ZMIZ1: variants seen among roughly 807,000 people sequenced by gnomAD.
The protein encoded by ZMIZ1 is zinc finger MIZ-type containing 1.
In ZMIZ1, 17 loss-of-function variants were observed where a neutral mutation model predicts 113.9. The observed-to-expected ratio is 0.15, with a 90% CI of 0.10 to 0.22. The LOEUF is 0.22. Among genes scored for constraint, ZMIZ1 ranks in the 10% least tolerant of loss-of-function variants. The probability of loss-of-function intolerance (pLI) is 1.00; values close to 1 mark genes in which losing one functional copy is unlikely to be tolerated. For synonymous variants in ZMIZ1, 607 were observed against 603.1 expected, an observed-to-expected ratio of 1.01 and a Z score of -0.09; for missense variants, 1,059 against 1,477.8, an observed-to-expected ratio of 0.72 and a Z score of 4.65.
chr10:79,156,673 C>T (rs756813218), intron 3 of ZMIZ1, among the ~76,000 whole-genome samples: 2 of 152,178 alleles, frequency 1.3e-5, no homozygotes, highest in Admixed American at 1.3e-4. Flanking sequence ...AGCCTCCTCA[C>T]AGGAGGTAAA....
chr10:79,303,096 A>G (rs941184369), intron 18 of ZMIZ1, among the ~76,000 whole-genome samples: 2 of 151,474 alleles, frequency 1.3e-5, no homozygotes, highest in South Asian at 2.1e-4. Flanking sequence ...TCCTGACCTC[A>G]CGATCCGCCC....
At chr10:79,295,265 C>G (rs2132044678) in intron 12 of ZMIZ1, 1 of 152,396 alleles carries the variant, frequency 6.6e-6, no homozygotes, top group East Asian at 1.9e-4. Context: ...ACCCCTGCAC[C>G]TGCACCTGTG....
chr10:79,129,741 C>A (rs956609103), intron 2 of ZMIZ1, among the ~76,000 whole-genome samples: 1 of 152,216 alleles, frequency 6.6e-6, no homozygotes, highest in Non-Finnish European at 1.5e-5. Context: ...CAGGAAACCT[C>A]TTCCTTGAAA....
intron 12 of ZMIZ1, chr10:79,295,481 G>A (rs1266244085): frequency 6.6e-6 from 1 of 152,202 alleles, no homozygotes; most frequent in African/African-American, 2.4e-5. Context: ...AATTGTTGGA[G>A]CCTTAGGACA....
rs1854351521 is a variant in ZMIZ1 at position 79,302,206 on chromosome 10, A to G, written c.2119A>G (p.Thr707Ala). 6.2e-7 allele frequency: 1 copy of G among 1,613,234 alleles called. No individual in the cohort carries two copies. Among genetic ancestry groups the G allele is most frequent in the African/African-American group, 1.3e-5 (1 of 74,926 alleles). ...CCTCCTGCCCGCAGAGCACTGTATC[A>G]CGAAAAGTGAGTCAGGGTGGGGACG... is the stretch of plus-strand genomic sequence containing the variant. ...KRLLPAEHCI[T>A]KIKRNFSSVA... is the part of the protein sequence containing the mutation. The change falls in exon 18 of 25, where the codon ACG (threonine) becomes GCG (alanine). Residue 707 changes from threonine to alanine, a missense_variant. Transcript: ENST00000334512.
intron 7 of ZMIZ1, among the ~76,000 whole-genome samples, chr10:79,256,900 A>C (rs1246536569): frequency 1.3e-5 from 2 of 152,208 alleles, no homozygotes; most frequent in Non-Finnish European, 2.9e-5. Flanking sequence ...AGAAAATAAA[A>C]AAGAGGTGGG....
chr10:79,264,379 G>T (rs1249912058), intron 7 of ZMIZ1, among the ~76,000 whole-genome samples: 2 of 152,184 alleles, frequency 1.3e-5, no homozygotes, highest in Non-Finnish European at 2.9e-5. Context: ...ATCTATTGCT[G>T]GGGGAGGGAG....
intron 6 of ZMIZ1, among the ~76,000 whole-genome samples, chr10:79,210,599 C>G (rs1848491483): frequency 6.6e-6 from 1 of 152,206 alleles, no homozygotes; most frequent in African/African-American, 2.4e-5. Context: ...AATGCAAAGG[C>G]CCTGAGGCTT....
intron 24 of ZMIZ1, 92 bp from the exon 25 acceptor site, chr10:79,312,550 A>G (rs917164709): frequency 7.4e-6 from 10 of 1,358,888 alleles, no homozygotes; most frequent in East Asian, 2.3e-5. Flanking sequence ...AGGCAGGTGG[A>G]GGGGGACGGG....
At chr10:79,076,412 G>A (rs749799111) in intron 1 of ZMIZ1, among the ~76,000 whole-genome samples, 2 of 152,194 alleles carry the variant, frequency 1.3e-5, no homozygotes, top group Non-Finnish European at 2.9e-5. Context: ...AGGATGGGGA[G>A]TTTTCAGTGG....
At chr10:79,122,242 C>T (rs1844322699) in intron 2 of ZMIZ1, among the ~76,000 whole-genome samples, 1 of 152,116 alleles carries the variant, frequency 6.6e-6, no homozygotes, top group South Asian at 2.1e-4. Context: ...GCGATGGTAC[C>T]CTCCTGCCTG....
intron 1 of ZMIZ1, among the ~76,000 whole-genome samples, chr10:79,104,145 C>A (rs386474930): frequency 2.1e-3 from 320 of 152,352 alleles, no homozygotes; most frequent in South Asian, 3.5e-3. Context: ...CCCCTCCCCT[C>A]TCTGGGCCTC....
intron 4 of ZMIZ1, among the ~76,000 whole-genome samples, chr10:79,167,934 G>A (rs1846426230): frequency 6.6e-6 from 1 of 152,224 alleles, no homozygotes; most frequent in Non-Finnish European, 1.5e-5. Context: ...GGATGCCTGT[G>A]GCAGGGATGG....
chr10:79,135,402 C>T (rs981299443), intron 2 of ZMIZ1, among the ~76,000 whole-genome samples: 1 of 152,144 alleles, frequency 6.6e-6, no homozygotes, highest in African/African-American at 2.4e-5. Flanking sequence ...CATTTGTCCT[C>T]CTAAAGGTAG....
intron 1 of ZMIZ1, among the ~76,000 whole-genome samples, chr10:79,112,559 C>T (rs1450862033): frequency 6.6e-6 from 1 of 152,104 alleles, no homozygotes; most frequent in Non-Finnish European, 1.5e-5. Context: ...GCTGAAGGGG[C>T]CTGGAATGTG....
chr10:79,155,941 C>T (rs1845889292), intron 3 of ZMIZ1, among the ~76,000 whole-genome samples: 1 of 152,248 alleles, frequency 6.6e-6, no homozygotes. Flanking sequence ...GCACTCTGTG[C>T]ACATGCCCCT....
At chr10:79,230,143 GCT>G (rs1409014674) in intron 7 of ZMIZ1, among the ~76,000 whole-genome samples, 2 of 152,032 alleles carry the variant, frequency 1.3e-5, no homozygotes, top group African/African-American at 4.8e-5. Context: ...TGTCCTTTTG[GCT>G]CTTTCTCTCT....
intron 4 of ZMIZ1, 34 bp downstream of exon 4, chr10:79,162,167 G>A (rs1846137306): frequency 2.5e-6 from 1 of 399,194 alleles, no homozygotes; most frequent in Non-Finnish European, 4.4e-6. Flanking sequence ...GGAGGTGGCT[G>A]GGTCGGACGC....
intron 1 of ZMIZ1, among the ~76,000 whole-genome samples, chr10:79,070,515 G>C (rs1187961897): frequency 2.0e-5 from 3 of 152,242 alleles, no homozygotes; most frequent in Non-Finnish European, 2.9e-5. Context: ...GGGCGGACGG[G>C]AGCGCGCCAG....
Sources: gnomAD v4.1 joint callset for allele counts (sites outside exome capture counted in the v4.1 genomes callset) on GRCh38, gnomAD v4.1.1 for gene constraint, MANE v1.5 for transcripts, NCBI Gene and HGNC (gene_info 2026-07-23, HGNC 2026-07-21) for gene names.